GABRG3: variants seen among roughly 807,000 people sequenced by gnomAD.
GABRG3 encodes the protein gamma-aminobutyric acid receptor subunit gamma-3.
Under a neutral mutation model 48.8 loss-of-function variants are expected in GABRG3, and 25 were observed. The ratio of observed to expected loss-of-function variants is 0.51; its 90% CI spans 0.37 to 0.72. The LOEUF is 0.72. Ranked by LOEUF, GABRG3 falls within the 30% of genes least tolerant of loss-of-function variation. The pLI is 0.00. For synonymous variants in GABRG3, 227 were observed against 217.6 expected (o/e 1.04, Z -0.38); for missense variants, 394 against 577.9 (o/e 0.68, Z 3.26).
At chr15:27,376,436 A>T (rs1895598445) in intron 5 of GABRG3, among the ~76,000 whole-genome samples, 3 of 152,134 alleles carry the variant, frequency 2.0e-5, no homozygotes, top group Non-Finnish European at 4.4e-5. Context: ...TCTGCACTAC[A>T]CTAGTAGAAG....
chr15:27,275,108 T>C lies in GABRG3; in HGVS notation c.271-51701T>C, dbSNP rs532024744. Among the ~76,000 whole-genome samples the C allele has an allele frequency of 4.6e-5, 7 of 152,262 alleles. No homozygotes were observed. The East Asian group carries it at 1.2e-3, about 25-fold the overall frequency. On this transcript the variant is annotated intron_variant, in intron 3 of 9. Transcript: ENST00000615808. ...ATAGTGAATTTGCTTAACCATGACC[T>C]CTAGGATTTAAGCAACAATAAAATG...
intron 5 of GABRG3, among the ~76,000 whole-genome samples, chr15:27,429,401 C>T (rs1888383590): frequency 6.6e-6 from 1 of 152,132 alleles, no homozygotes; most frequent in African/African-American, 2.4e-5. Flanking sequence ...GGTCTGGTGA[C>T]TCATTTTCAA....
chr15:27,235,976 A>G (rs1263299289), intron 3 of GABRG3, among the ~76,000 whole-genome samples: 1 of 152,176 alleles, frequency 6.6e-6, no homozygotes, highest in Non-Finnish European at 1.5e-5. Context: ...TTTTCTTGAT[A>G]GAAGTAAAGT....
At chr15:27,407,187 A>G (rs889089178) in intron 5 of GABRG3, among the ~76,000 whole-genome samples, 1 of 152,042 alleles carries the variant, frequency 6.6e-6, no homozygotes, top group Non-Finnish European at 1.5e-5. Context: ...TGGCCTCCCA[A>G]ATTGCTGAGA....
At chr15:27,370,799 A>T (rs1895384176) in intron 5 of GABRG3, among the ~76,000 whole-genome samples, 1 of 152,190 alleles carries the variant, frequency 6.6e-6, no homozygotes, top group Non-Finnish European at 1.5e-5. Flanking sequence ...TAACATAGAA[A>T]ATATCTGGGT....
chr15:27,328,147 C>T (rs1021234553), intron 4 of GABRG3, among the ~76,000 whole-genome samples: 2 of 151,550 alleles, frequency 1.3e-5, no homozygotes, highest in Non-Finnish European at 2.9e-5. Context: ...AAAAACACGC[C>T]ACAGCTGGGA....
intron 6 of GABRG3, among the ~76,000 whole-genome samples, chr15:27,485,124 G>A (rs1595785983): frequency 6.6e-6 from 1 of 152,162 alleles, no homozygotes; most frequent in Non-Finnish European, 1.5e-5. Flanking sequence ...ACTTGGCCAC[G>A]TGATCGGTGA....
intron 3 of GABRG3, among the ~76,000 whole-genome samples, chr15:27,053,354 A>G (rs988395188): frequency 6.6e-6 from 1 of 152,246 alleles, no homozygotes; most frequent in Non-Finnish European, 1.5e-5. Flanking sequence ...TTCTCAAAAG[A>G]AGACATACAA....
chr15:27,139,612 A>T (rs1027551260), intron 3 of GABRG3, among the ~76,000 whole-genome samples: 2 of 152,032 alleles, frequency 1.3e-5, no homozygotes, highest in African/African-American at 4.8e-5. Flanking sequence ...TTTTTCTGAA[A>T]TTTTTTCCCA....
chr15:27,047,557 A>C (rs909398823), intron 3 of GABRG3, among the ~76,000 whole-genome samples: 1 of 152,242 alleles, frequency 6.6e-6, no homozygotes, highest in African/African-American at 2.4e-5. Context: ...CTTTGTATCA[A>C]CTTTGTTTAG....
chr15:27,087,568 T>G (rs983245005), intron 3 of GABRG3, among the ~76,000 whole-genome samples: 6 of 152,100 alleles, frequency 3.9e-5, no homozygotes, highest in African/African-American at 1.4e-4. Context: ...GAAAAGGAAG[T>G]AAGGAGGGCC....
intron 3 of GABRG3, among the ~76,000 whole-genome samples, chr15:27,148,672 A>T (rs1898255079): frequency 1.3e-5 from 2 of 152,014 alleles, no homozygotes; most frequent in South Asian, 2.1e-4. Flanking sequence ...AGTAGTATCT[A>T]AAAAATGCAA....
chr15:26,990,484 C>T (rs941852006), intron 2 of GABRG3, among the ~76,000 whole-genome samples: 4 of 151,898 alleles, frequency 2.6e-5, no homozygotes, highest in African/African-American at 9.7e-5. Context: ...ATTTTTTTTC[C>T]TATAATGTTT....
At chr15:27,309,032 A>G (rs1206806409) in intron 3 of GABRG3, among the ~76,000 whole-genome samples, 3 of 149,360 alleles carry the variant, frequency 2.0e-5, no homozygotes, top group Admixed American at 2.0e-4. Flanking sequence ...TAGAAACATA[A>G]TGTAAACATA....
intron 3 of GABRG3, among the ~76,000 whole-genome samples, chr15:27,208,863 A>AATATAAT (rs1765929141): frequency 6.6e-6 from 1 of 152,212 alleles, no homozygotes. Flanking sequence ...CAAAGAAACT[A>AATATAAT]ATATAATCTG....
At chr15:27,157,019 C>T (rs1898447884) in intron 3 of GABRG3, among the ~76,000 whole-genome samples, 1 of 152,178 alleles carries the variant, frequency 6.6e-6, no homozygotes, top group South Asian at 2.1e-4. Flanking sequence ...TGAAGACTCC[C>T]TCCCCCAGCC....
chr15:27,452,635 A>C (rs1314834980), intron 5 of GABRG3, among the ~76,000 whole-genome samples: 2 of 152,228 alleles, frequency 1.3e-5, no homozygotes, highest in Non-Finnish European at 2.9e-5. Context: ...GTGGATCATC[A>C]TAGAGGTCTT....
chr15:27,455,493 CTGTG>C (rs55645913), intron 5 of GABRG3, among the ~76,000 whole-genome samples: 1 of 140,568 alleles, frequency 7.1e-6, no homozygotes, highest in African/African-American at 2.7e-5. Flanking sequence ...GATATGTGTG[CTGTG>C]TGTGTGTGCA....
intron 3 of GABRG3, among the ~76,000 whole-genome samples, chr15:27,214,360 G>A (rs1174438002): frequency 3.3e-5 from 5 of 152,208 alleles, no homozygotes; most frequent in African/African-American, 9.6e-5. Context: ...GCCGCGTCGG[G>A]TATGCTGGGG....
Sources: allele counts gnomAD v4.1 joint callset (sites outside exome capture counted in the v4.1 genomes callset), GRCh38; gene constraint gnomAD v4.1.1; transcripts MANE v1.5; gene names NCBI Gene and HGNC (gene_info 2026-07-23, HGNC 2026-07-21).